Variants in PTPRG observed in about 807,000 individuals in gnomAD.
The protein encoded by PTPRG is protein tyrosine phosphatase receptor type G.
PTPRG carries 102 observed loss-of-function variants against 165.3 expected under a neutral mutation model. That is an observed-to-expected ratio of 0.62 (90% CI 0.53 to 0.73). The LOEUF is 0.73. Ranked by LOEUF, PTPRG falls within the 30% of genes least tolerant of loss-of-function variation. PTPRG has a pLI of 0.00. For missense variants in PTPRG, 1,866 were observed against 1,861.4 expected (o/e 1.00, Z -0.05); for synonymous variants, 675 against 669.5 (o/e 1.01, Z -0.13).
At chr3:61,786,023 A>T (rs1263652491) in intron 2 of PTPRG, among the ~76,000 whole-genome samples, 1 of 152,190 alleles carries the variant, frequency 6.6e-6, no homozygotes, top group East Asian at 1.9e-4. Context: ...AGCGACAACT[A>T]CTAATTAGAC....
chr3:61,744,310 G>C (rs951024855), intron 1 of PTPRG, among the ~76,000 whole-genome samples: 13 of 152,206 alleles, frequency 8.5e-5, no homozygotes, highest in African/African-American at 2.4e-4. Flanking sequence ...GTGAGTGCCA[G>C]TAATAATGAT....
chr3:61,737,127 C>T (rs2106860048), intron 1 of PTPRG, among the ~76,000 whole-genome samples: 1 of 152,272 alleles, frequency 6.6e-6, no homozygotes, highest in Non-Finnish European at 1.5e-5. Context: ...TCATCTCTCC[C>T]TGTCAATGCC....
chr3:61,603,141 G>C (rs1700912778), intron 1 of PTPRG, among the ~76,000 whole-genome samples: 1 of 152,160 alleles, frequency 6.6e-6, no homozygotes, highest in Non-Finnish European at 1.5e-5. Context: ...GCTGGAACTG[G>C]ATGGTAAGTG....
At chr3:62,093,603 T>G (rs1176584177) in intron 5 of PTPRG, among the ~76,000 whole-genome samples, 1 of 152,244 alleles carries the variant, frequency 6.6e-6, no homozygotes, top group Non-Finnish European at 1.5e-5. Flanking sequence ...TACGTTTTCA[T>G]GCTTCCTCCC....
At chr3:62,134,746 G>A (rs1703642266) in intron 6 of PTPRG, among the ~76,000 whole-genome samples, 1 of 152,248 alleles carries the variant, frequency 6.6e-6, no homozygotes, top group Admixed American at 6.5e-5. Flanking sequence ...AAACCATGTT[G>A]ATGTGGCACG....
At chr3:61,843,360 CAT>C (rs1168614298) in intron 2 of PTPRG, among the ~76,000 whole-genome samples, 7 of 152,136 alleles carry the variant, frequency 4.6e-5, no homozygotes, top group South Asian at 2.1e-4. Flanking sequence ...TATACACACA[CAT>C]GTATATCACA....
At chr3:61,685,082 C>A (rs965051688) in intron 1 of PTPRG, among the ~76,000 whole-genome samples, 74 of 152,318 alleles carry the variant, frequency 4.9e-4, no homozygotes, top group Admixed American at 3.9e-3. Flanking sequence ...CTCTCATTCT[C>A]TTTCTTAAGT....
At chr3:61,713,349 T>G (rs1395761973) in intron 1 of PTPRG, among the ~76,000 whole-genome samples, 7 of 151,354 alleles carry the variant, frequency 4.6e-5, no homozygotes, top group Admixed American at 4.0e-4. Context: ...TTTTTTGTAT[T>G]TTTAGTAGAG....
At chr3:62,175,402 G>T (rs56230738) in intron 8 of PTPRG, among the ~76,000 whole-genome samples, 11,187 of 152,170 alleles carry the variant, frequency 0.074, 1,364 homozygotes, top group African/African-American at 0.25. Flanking sequence ...GTTCGCTTGA[G>T]CCCAGGAGTT....
chr3:61,630,764 A>T (rs1238403055), intron 1 of PTPRG, among the ~76,000 whole-genome samples: 1 of 152,206 alleles, frequency 6.6e-6, no homozygotes, highest in East Asian at 1.9e-4. Flanking sequence ...ACTACTTAAA[A>T]AATGTATTTT....
In PTPRG at chr3:62,203,323, G is replaced by C. The variant is rs757694918; in HGVS notation, c.1528G>C (p.Val510Leu). Residue 510 changes from valine (V) to leucine (L), a missense_variant, in exon 12 of 30, where the codon GTG becomes CTG. Physicochemically the swap from Val to Leu is conservative, Grantham distance 32. This residue lies in a region of PTPRG where 1,452 missense variants were observed against 1,463.0 expected (regional missense o/e 0.99). Transcript: ENST00000474889. The surrounding 1 kb of genome is among the most constrained non-coding windows in gnomAD (Gnocchi z 6.4). ...SSGSQATVAS[V>L]VTSTLLAGLG... The stretch of plus-strand genomic sequence containing the variant: ...TGGCAGCCAGGCCACAGTGGCCTCG[G>C]TGGTCACCAGCACGCTGCTCGCCGG... 5.6e-6 allele frequency: 9 copies of C among 1,613,840 alleles called. No individual in the cohort carries two copies. In the East Asian group the frequency reaches 2.0e-4, roughly 36 times the overall value.
chr3:62,236,465 G>A lies in PTPRG; in HGVS notation c.2375+5154G>A, dbSNP rs562758491. On this transcript the variant is annotated intron_variant, in intron 14 of 29. Coordinates refer to ENST00000474889, the MANE Select transcript of PTPRG (RefSeq NM_002841.4). ...CATTTACAAAAGTAGATATTAATGC[G>A]ATTTCTTTTCTTGACAGCATGAAAA... 3.9e-5 allele frequency among the ~76,000 whole-genome samples: 6 copies of A among 152,260 alleles called. No homozygotes were observed. In the South Asian group the frequency reaches 8.3e-4, roughly 21 times the overall value.
intron 1 of PTPRG, among the ~76,000 whole-genome samples, chr3:61,712,555 G>C (rs562509666): frequency 2.0e-5 from 3 of 152,104 alleles, no homozygotes; most frequent in Non-Finnish European, 2.9e-5. Context: ...CATGAGATCT[G>C]ATGGTTTAAC....
At chr3:62,015,650 T>G (rs1321767159) in intron 4 of PTPRG, among the ~76,000 whole-genome samples, 2 of 152,130 alleles carry the variant, frequency 1.3e-5, no homozygotes, top group Non-Finnish European at 2.9e-5. Flanking sequence ...CTATCTAGTT[T>G]ATGTTTTAGA....
Position 61,562,378 on chromosome 3 carries a change from T to A in PTPRG, c.85+6T>A, listed in dbSNP as rs201903648. ...TTATGTCGTGTGCTTCCCCGGTGAG[T>A]GCCGGCCGCCGAGGGGATGCGGCCC... On this transcript the variant is annotated splice_donor_region_variant and intron_variant, in intron 1 of 29. Transcript: ENST00000474889. 3 of 1,612,684 alleles carry A rather than the reference T, an allele frequency of 1.9e-6. No homozygotes were observed. Among genetic ancestry groups the A allele is most frequent in the Admixed American group, 1.7e-5 (1 of 59,986 alleles).
intron 1 of PTPRG, among the ~76,000 whole-genome samples, chr3:61,731,349 CTTT>C (rs543374959): frequency 9.8e-5 from 13 of 132,176 alleles, no homozygotes; most frequent in Non-Finnish European, 9.8e-5. Flanking sequence ...TTCCTTTTTC[CTTT>C]TTTTTTTTTT....
At chr3:61,921,242 A>T (rs1003602378) in intron 2 of PTPRG, among the ~76,000 whole-genome samples, 3 of 152,064 alleles carry the variant, frequency 2.0e-5, no homozygotes, top group African/African-American at 7.2e-5. Context: ...CTTTTATTTT[A>T]ATTTAATATT....
At chr3:61,876,679 C>T (rs1352200989) in intron 2 of PTPRG, among the ~76,000 whole-genome samples, 5 of 152,090 alleles carry the variant, frequency 3.3e-5, no homozygotes, top group Admixed American at 6.5e-5. Context: ...GAGGCCGAGG[C>T]GGGCGGATCC....
Position 61,562,230 on chromosome 3 carries a change from G to A in PTPRG, c.-58G>A, listed in dbSNP as rs1699774475. 13 of 1,502,196 alleles carry A rather than the reference G, an allele frequency of 8.7e-6. No individual in the cohort carries two copies. The highest frequency in any genetic ancestry group is 3.4e-5 in the Admixed American group (2 of 59,668). The allele number at this position is 1,502,196 out of a possible 1,614,324, so 93.1% of individuals were successfully genotyped here. A position where few individuals can be genotyped will look rare whatever the true frequency, so the allele number is the denominator to read the frequency against. On this transcript the variant is annotated 5_prime_UTR_variant, in exon 1 of 30. Transcript: ENST00000474889. ...TTAGCGGAGGCTCGCACGGAGGCAA[G>A]AACTTATTCAACAAGTTTACCTCCC... is the stretch of plus-strand genomic sequence containing the variant.
Sources: gnomAD v4.1 joint callset for allele counts (sites outside exome capture counted in the v4.1 genomes callset) on GRCh38, gnomAD v4.1.1 for gene constraint, gnomAD v4.1.1 regional missense constraint, Gnocchi (gnomAD v3.1) non-coding constraint, MANE v1.5 for transcripts, NCBI Gene and HGNC (gene_info 2026-07-23, HGNC 2026-07-21) for gene names.